The following PACRGL variants were observed in gnomAD, a reference collection of about 807,000 sequenced individuals.
PACRGL encodes parkin coregulated like.
In PACRGL, 38 loss-of-function variants were observed where a neutral mutation model predicts 34.5. The observed-to-expected ratio is 1.10, with a 90% CI of 0.85 to 1.44. PACRGL has a LOEUF of 1.44. PACRGL is among the 40% of genes most tolerant of loss of function. The pLI is 0.00. For missense variants in PACRGL, 305 were observed against 281.4 expected (o/e 1.08, Z -0.60); for synonymous variants, 128 against 100.1 (o/e 1.28, Z -1.66).
At chr4:20,717,548 A>G (rs1200271297) in intron 7 of PACRGL, among the ~76,000 whole-genome samples, 1 of 152,200 alleles carries the variant, frequency 6.6e-6, no homozygotes, top group Non-Finnish European at 1.5e-5. Flanking sequence ...AGCTTTCTCC[A>G]TATGGCTAGC....
upstream of PACRGL, among the ~76,000 whole-genome samples, chr4:20,698,831 T>G (rs1179084711): frequency 6.6e-5 from 10 of 152,186 alleles, no homozygotes; most frequent in Admixed American, 1.3e-4. Flanking sequence ...TTAATTTGCT[T>G]TCACCTGAAT....
chr4:20,715,594 G>A (rs977807327), intron 7 of PACRGL, among the ~76,000 whole-genome samples: 1 of 152,022 alleles, frequency 6.6e-6, no homozygotes, highest in Non-Finnish European at 1.5e-5. Context: ...CCACCCGGGC[G>A]TAGTGGCTCA....
the PACRGL span, among the ~76,000 whole-genome samples, chr4:20,764,962 A>G: frequency 6.6e-6 from 1 of 152,068 alleles, no homozygotes; most frequent in Non-Finnish European, 1.5e-5. Context: ...ACTTTCATCA[A>G]CCCTGAAAGG....
rs186001141 is a variant in PACRGL at position 20,717,283 on chromosome 4, T to A, written c.609+3744T>A. Among the ~76,000 whole-genome samples, 353 of 152,338 alleles carry A rather than the reference T, an allele frequency of 2.3e-3. 8 individuals are homozygous for A. The South Asian group carries it at 0.046, about 20-fold the overall frequency. On this transcript the variant is annotated intron_variant, in intron 7 of 8. Coordinates refer to ENST00000503585, the MANE Select transcript of PACRGL (RefSeq NM_001258345.3). ...AAAAATTTTTTCCCATTCTGTAGGT[T>A]GCCTGTTCACTCTGATGGTAGTTTC...
chr4:20,710,630 C>T, intron 5 of PACRGL, among the ~76,000 whole-genome samples: 1 of 151,984 alleles, frequency 6.6e-6, no homozygotes. Flanking sequence ...ATATCATTTG[C>T]TTTTCCTATA....
At chr4:20,758,261 G>A in the PACRGL span, among the ~76,000 whole-genome samples, 6,072 of 152,084 alleles carry the variant, frequency 0.04, 151 homozygotes, top group East Asian at 0.1. Context: ...ATAATATCTA[G>A]GATGGTTTTA....
At chr4:20,739,072 G>A (rs752120289) in intron 8 of PACRGL, among the ~76,000 whole-genome samples, 4 of 151,328 alleles carry the variant, frequency 2.6e-5, no homozygotes, top group Non-Finnish European at 5.9e-5. Flanking sequence ...ACTTGACTAG[G>A]TAAAGCAGCC....
intron 8 of PACRGL, among the ~76,000 whole-genome samples, chr4:20,726,002 T>C (rs1182919420): frequency 1.3e-5 from 2 of 152,146 alleles, no homozygotes; most frequent in East Asian, 1.9e-4. Flanking sequence ...ATTTCTCCTT[T>C]CTTCTTCTGT....
intron 3 of PACRGL, among the ~76,000 whole-genome samples, chr4:20,706,866 G>A (rs1047004085): frequency 7.2e-5 from 11 of 152,076 alleles, no homozygotes; most frequent in Admixed American, 1.3e-4. Flanking sequence ...GAGCCACTGC[G>A]CCTGGCCAGA....
downstream of PACRGL, among the ~76,000 whole-genome samples, chr4:20,754,184 CAA>C (rs757048613): frequency 6.6e-6 from 1 of 152,126 alleles, no homozygotes; most frequent in Non-Finnish European, 1.5e-5. Flanking sequence ...CCCCTGCCAA[CAA>C]GAGGCTTTTG....
At chr4:20,763,985 T>C in the PACRGL span, among the ~76,000 whole-genome samples, 1 of 152,230 alleles carries the variant, frequency 6.6e-6, no homozygotes, top group Admixed American at 6.5e-5. Context: ...TGTTTGAGCA[T>C]GAATTTTTTC....
chr4:20,721,454 T>C (rs182459893), intron 7 of PACRGL, among the ~76,000 whole-genome samples: 1 of 152,144 alleles, frequency 6.6e-6, no homozygotes, highest in Non-Finnish European at 1.5e-5. Context: ...ATCTTTGTGG[T>C]TTTATGTACC....
chr4:20,743,218 C>T (rs1751598640), intron 8 of PACRGL, among the ~76,000 whole-genome samples: 1 of 152,108 alleles, frequency 6.6e-6, no homozygotes. Context: ...AGATTCAGTG[C>T]CATCCCCATC....
At chr4:20,739,804 G>T (rs759562556) in intron 8 of PACRGL, among the ~76,000 whole-genome samples, 2 of 152,166 alleles carry the variant, frequency 1.3e-5, no homozygotes, top group Non-Finnish European at 2.9e-5. Context: ...CCGAACTAAA[G>T]GAAGATGTTC....
chr4:20,702,100 T>C (rs959845380), intron 1 of PACRGL: 1 of 452,756 alleles, frequency 2.2e-6, no homozygotes, highest in Non-Finnish European at 4.4e-6. Context: ...TTGGTGACTT[T>C]TTGAACTCAT....
chr4:20,737,614 G>C (rs1749954052), intron 8 of PACRGL, among the ~76,000 whole-genome samples: 1 of 152,158 alleles, frequency 6.6e-6, no homozygotes, highest in Non-Finnish European at 1.5e-5. Context: ...TTTAGTGAGT[G>C]TGAGCTGTTT....
At chr4:20,727,232 A>T in intron 8 of PACRGL, 53 bp from the exon 9 acceptor site, 1 of 1,458,624 alleles carries the variant, frequency 6.9e-7, no homozygotes, top group Non-Finnish European at 9.6e-7. Flanking sequence ...TATAATACCT[A>T]TTAGGGGAAC....
the PACRGL span, among the ~76,000 whole-genome samples, chr4:20,762,812 A>G: frequency 6.6e-6 from 1 of 152,206 alleles, no homozygotes; most frequent in Non-Finnish European, 1.5e-5. Context: ...CCACACTGCT[A>G]TAAAGAACTG....
chr4:20,764,681 GACACACACAC>G, the PACRGL span, among the ~76,000 whole-genome samples: 1 of 147,108 alleles, frequency 6.8e-6, no homozygotes, highest in African/African-American at 2.5e-5. Flanking sequence ...ATGGGAATTG[GACACACACAC>G]ACACACACAC....
Sources: gnomAD v4.1 joint callset for allele counts (sites outside exome capture counted in the v4.1 genomes callset) on GRCh38, gnomAD v4.1.1 for gene constraint, MANE v1.5 for transcripts, NCBI Gene and HGNC (gene_info 2026-07-23, HGNC 2026-07-21) for gene names.